ODAD3: variants seen among roughly 807,000 people sequenced by gnomAD.
The protein encoded by ODAD3 is outer dynein arm docking complex subunit 3.
A neutral mutation model predicts 70.9 loss-of-function variants in ODAD3; 57 were observed. The observed-to-expected ratio is 0.80, with a 90% CI of 0.65 to 1.00. ODAD3 has a LOEUF of 1.00. Among genes scored for constraint, ODAD3 ranks in the 50% least tolerant of loss-of-function variants. The probability of loss-of-function intolerance (pLI) is 0.00; values close to 1 mark genes in which losing one functional copy is unlikely to be tolerated. For synonymous variants in ODAD3, 327 were observed against 315.9 expected (o/e 1.04, Z -0.37); for missense variants, 797 against 763.9 (o/e 1.04, Z -0.51).
At chr19:11,435,775 T>G, upstream of ODAD3, 2 of 1,394,038 alleles carry the variant, frequency 1.4e-6, no homozygotes, top group Non-Finnish European at 9.5e-7. Flanking sequence ...GGTGCATGTG[T>G]GGGTGTGGAC....
At chr19:11,429,253 C>T (rs986615439) in intron 3 of ODAD3, among the ~76,000 whole-genome samples, 10 of 151,784 alleles carry the variant, frequency 6.6e-5, no homozygotes, top group African/African-American at 2.4e-4. Context: ...CTCTGTCACC[C>T]AGGTTGGAGT....
chr19:11,429,004 A>G (rs1969447255), intron 3 of ODAD3, among the ~76,000 whole-genome samples: 1 of 151,462 alleles, frequency 6.6e-6, no homozygotes, highest in Non-Finnish European at 1.5e-5. Flanking sequence ...CAGCCTCCTG[A>G]GTAGCTGGGA....
chr19:11,426,648 G>C, intron 5 of ODAD3, 35 bp downstream of exon 5: 1 of 1,613,584 alleles, frequency 6.2e-7, no homozygotes, highest in Non-Finnish European at 8.5e-7. Flanking sequence ...CGCCCTCCCT[G>C]TTTGTCATCT....
chr19:11,426,138 GC>G lies in ODAD3; in HGVS notation c.963+5del, dbSNP rs1969366730. The G allele has an allele frequency of 6.2e-7, 1 of 1,600,664 alleles. No individual in the cohort carries two copies. ...GTCACAGGCGCGCACCCCTGGGTGC[GC>G]CCACCTTGCGCTCCATGCGCTCGTT... On this transcript the variant is annotated splice_donor_5th_base_variant and intron_variant, in intron 7 of 12. Coordinates refer to ENST00000356392, the MANE Select transcript of ODAD3 (RefSeq NM_145045.5).
chr19:11,434,579 G>T (rs1329096163), intron 1 of ODAD3, 194 bp downstream of exon 1: 10 of 508,998 alleles, frequency 2.0e-5, no homozygotes, highest in South Asian at 4.3e-5. Flanking sequence ...AAGAAAGTAT[G>T]AAGTACAGTT....
chr19:11,431,078 C>A, intron 1 of ODAD3, 58 bp from the exon 2 acceptor site: 1 of 1,590,452 alleles, frequency 6.3e-7, no homozygotes, highest in Non-Finnish European at 8.5e-7. Flanking sequence ...ATGGGTGCAA[C>A]ATCCCAGAGG....
intron 7 of ODAD3, among the ~76,000 whole-genome samples, chr19:11,425,021 ACATATGTG>A (rs1969258620): frequency 7.5e-6 from 1 of 132,478 alleles, no homozygotes. Flanking sequence ...GTGTATATAT[ACATATGTG>A]CATATATACA....
chr19:11,425,379 G>GTATATACACATA (rs1969314649), intron 7 of ODAD3, among the ~76,000 whole-genome samples: 1 of 124,306 alleles, frequency 8.0e-6, no homozygotes, highest in Non-Finnish European at 1.6e-5. Flanking sequence ...GTATATATGT[G>GTATATACACATA]TGTATGTACA....
In ODAD3 at chr19:11,423,996, C is replaced by T. The variant is rs112797378; in HGVS notation, c.997G>A (p.Asp333Asn). Residue 333 changes from aspartate (D) to asparagine (N), a missense_variant, in exon 8 of 13, where the codon GAC becomes AAC. Physicochemically the swap from Asp to Asn is conservative, Grantham distance 23 (BLOSUM62 1). Transcript: ENST00000356392. ...GCATGCAGGCTGTCCTGGATGGTGT[C>T]GTCGGACTGTAGCAGCAGGTGCTCG... ...HREHLLLQSD[D>N]TIQDSLHAKE... 6.2e-6 allele frequency: 10 copies of T among 1,611,932 alleles called. No homozygotes were observed. The highest frequency in any genetic ancestry group is 2.2e-5 in the East Asian group (1 of 44,876).
chr19:11,425,503 A>G (rs1263631565), intron 7 of ODAD3, among the ~76,000 whole-genome samples: 1 of 142,418 alleles, frequency 7.0e-6, no homozygotes, highest in South Asian at 2.1e-4. Flanking sequence ...ATATATGTAT[A>G]TATGTGTGTA....
At chr19:11,425,432 T>C (rs990786353) in intron 7 of ODAD3, among the ~76,000 whole-genome samples, 3 of 143,008 alleles carry the variant, frequency 2.1e-5, no homozygotes, top group Admixed American at 1.4e-4. Flanking sequence ...TATACACATA[T>C]GTGTATATGT....
rs867337734 is a variant in ODAD3, at chr19:11,424,628, T to C, written c.964-599A>G. Among the ~76,000 whole-genome samples the C allele has an allele frequency of 2.8e-3, 329 of 119,318 alleles. 19 individuals carry two copies. Among genetic ancestry groups the C allele is most frequent in the African/African-American group, 0.013 (310 of 24,426 alleles). The allele number at this position is 119,318 out of a possible 152,430, so 78.3% of individuals were successfully genotyped here. A position where few individuals can be genotyped will look rare whatever the true frequency, so the allele number is the denominator to read the frequency against. ...ATGTGTATATATACCTATGTGTATA[T>C]ATGTATATATGTGTATATATACCTA... On this transcript the variant is annotated intron_variant, in intron 7 of 12. Coordinates refer to ENST00000356392, the MANE Select transcript of ODAD3 (RefSeq NM_145045.5).
rs1489291422 is a variant in ODAD3 at position 11,425,030 on chromosome 19, CATATATACATATGTGT to C, written c.964-1017_964-1002del. On this transcript the variant is annotated intron_variant, in intron 7 of 12. Coordinates refer to ENST00000356392, the MANE Select transcript of ODAD3 (RefSeq NM_145045.5). ...ATATATGTGTATATATACATATGTG[CATATATACATATGTGT>C]ATATATGTGTATATGTGTATATATG... 3.9e-4 allele frequency among the ~76,000 whole-genome samples: 28 copies of C among 72,038 alleles called. 2 individuals carry two copies. The highest frequency in any genetic ancestry group is 2.9e-3 in the South Asian group (7 of 2,390). The allele number at this position is 72,038 out of a possible 152,430, so 47.3% of individuals were successfully genotyped here.
intron 3 of ODAD3, among the ~76,000 whole-genome samples, chr19:11,428,861 T>TTTTATTTATTTA (rs1195887473): frequency 1.9e-3 from 255 of 135,758 alleles, no homozygotes; most frequent in African/African-American, 5.2e-3. Context: ...GTGTTTTATT[T>TTTTATTTATTTA]TTTATTTATT....
chr19:11,420,959 G>A lies in ODAD3; in HGVS notation c.1676-12C>T, dbSNP rs10421648. 6.2e-7 allele frequency: 1 copy of A among 1,609,220 alleles called. No individual in the cohort carries two copies. Among genetic ancestry groups the A allele is most frequent in the Non-Finnish European group, 8.5e-7 (1 of 1,175,816 alleles). On this transcript the variant is annotated splice_polypyrimidine_tract_variant and intron_variant, in intron 12 of 12. Transcript: ENST00000356392. Reference sequence around the variant, plus strand: ...CTCACTCTCTTCGTCTAAGGGGGGTGGGGGGATGAGCAGGGAGCGATGTGG... The same window carrying A: ...CTCACTCTCTTCGTCTAAGGGGGGTAGGGGGATGAGCAGGGAGCGATGTGG...
chr19:11,421,217 G>A lies in ODAD3; in HGVS notation c.1591-5C>T, dbSNP rs1380463163. The A allele has an allele frequency of 6.2e-7, 1 of 1,611,620 alleles. No homozygotes were observed. ...TCCCTCTAAGCTGGCGAGGAACTAA[G>A]CGGGGATGGGAAGCGAGAGAGGAAG... On this transcript the variant is annotated splice_region_variant and splice_polypyrimidine_tract_variant and intron_variant, in intron 11 of 12. Transcript: ENST00000356392.
intron 1 of ODAD3, among the ~76,000 whole-genome samples, chr19:11,432,659 T>G (rs544449880): frequency 8.8e-4 from 134 of 152,332 alleles, no homozygotes; most frequent in Non-Finnish European, 1.3e-3. Context: ...GATGCTGGAC[T>G]AAGAGGTTTC....
chr19:11,425,563 GTGTGTATGTA>G (rs1969339232), intron 7 of ODAD3, among the ~76,000 whole-genome samples: 2 of 125,652 alleles, frequency 1.6e-5, no homozygotes, highest in African/African-American at 4.2e-5. Context: ...ATGTATATAT[GTGTGTATGTA>G]TGTATATATG....
chr19:11,424,285 T>G (rs932463301), intron 7 of ODAD3, among the ~76,000 whole-genome samples: 8 of 151,806 alleles, frequency 5.3e-5, no homozygotes, highest in Admixed American at 2.0e-4. Flanking sequence ...GGGAGGATTG[T>G]TTGAGCCCAG....
Sources: allele counts gnomAD v4.1 joint callset (sites outside exome capture counted in the v4.1 genomes callset), GRCh38; gene constraint gnomAD v4.1.1; transcripts MANE v1.5; gene names NCBI Gene and HGNC (gene_info 2026-07-23, HGNC 2026-07-21).